FBXO33: variants seen among roughly 807,000 people sequenced by gnomAD.
FBXO33 encodes F-box protein 33.
FBXO33 carries 22 observed loss-of-function variants against 46.3 expected under a neutral mutation model. The observed-to-expected ratio is 0.48, with a 90% CI of 0.34 to 0.68. The LOEUF (loss-of-function observed/expected upper bound fraction) is 0.68. FBXO33 is among the 30% of genes least tolerant of loss of function. The pLI, the probability that FBXO33 is intolerant of heterozygous loss-of-function variation, is 0.01. For synonymous variants in FBXO33, 337 were observed against 291.3 expected (o/e 1.16, Z -1.60); for missense variants, 692 against 708.8 (o/e 0.98, Z 0.27).
At chr14:39,425,911 C>A (rs1437212321) in intron 1 of FBXO33, among the ~76,000 whole-genome samples, 1 of 152,100 alleles carries the variant, frequency 6.6e-6, no homozygotes, top group African/African-American at 2.4e-5. Context: ...AACATTAGAA[C>A]CCAGAAATAA....
At chr14:39,413,477 T>C (rs1268354579) in intron 1 of FBXO33, among the ~76,000 whole-genome samples, 1 of 152,226 alleles carries the variant, frequency 6.6e-6, no homozygotes. Flanking sequence ...CTGTTAATGT[T>C]GATATTTTGA....
chr14:39,403,155 A>T (rs1169707140), intron 1 of FBXO33, among the ~76,000 whole-genome samples: 1 of 152,200 alleles, frequency 6.6e-6, no homozygotes, highest in Non-Finnish European at 1.5e-5. Context: ...CAAACCAGTT[A>T]ATTTAGTCAA....
chr14:39,409,728 A>G (rs1166298119), intron 1 of FBXO33, among the ~76,000 whole-genome samples: 1 of 152,108 alleles, frequency 6.6e-6, no homozygotes, highest in Non-Finnish European at 1.5e-5. Context: ...TTTTCCATTT[A>G]TTTGTATCTG....
At chr14:39,412,593 G>C (rs1567075423) in intron 1 of FBXO33, among the ~76,000 whole-genome samples, 1 of 150,572 alleles carries the variant, frequency 6.6e-6, no homozygotes, top group Non-Finnish European at 1.5e-5. Context: ...TTTGTTCGTA[G>C]TTTTTTTCAT....
chr14:39,418,774 C>CAAA (rs1237168650), intron 1 of FBXO33, among the ~76,000 whole-genome samples: 4 of 60,100 alleles, frequency 6.7e-5, no homozygotes, highest in African/African-American at 1.3e-4. Context: ...GACTCCGTCT[C>CAAA]AAAAAAAAAA....
At chr14:39,411,525 C>A (rs529860566) in intron 1 of FBXO33, among the ~76,000 whole-genome samples, 5 of 150,958 alleles carry the variant, frequency 3.3e-5, no homozygotes, top group Non-Finnish European at 7.4e-5. Context: ...GACTTCCCCC[C>A]CCTTTTTTTT....
chr14:39,398,085 A>G lies in FBXO33; in HGVS notation c.*1431T>C, dbSNP rs867453934. ...TAAACTTTTTTCCATAAATAGAATC[A>G]TATCTGGACATCTGTTGCATAAATT... On this transcript the variant is annotated 3_prime_UTR_variant, in exon 4 of 4. Coordinates refer to ENST00000298097, the MANE Select transcript of FBXO33 (RefSeq NM_203301.4). 2 of 152,804 alleles carry G rather than the reference A, an allele frequency of 1.3e-5. No homozygotes were observed. The highest frequency in any genetic ancestry group is 4.8e-5 in the African/African-American group (2 of 41,600). 9.5% of individuals were successfully genotyped at this position (152,804 alleles called of 1,614,324 possible). A position where few individuals can be genotyped will look rare whatever the true frequency, so the allele number is the denominator to read the frequency against.
At chr14:39,419,944 T>C (rs1312786881) in intron 1 of FBXO33, among the ~76,000 whole-genome samples, 1 of 152,224 alleles carries the variant, frequency 6.6e-6, no homozygotes, top group Non-Finnish European at 1.5e-5. Flanking sequence ...ATAATCTTTC[T>C]AAAGCATGCA....
Position 39,401,780 on chromosome 14 carries a change from T to C in FBXO33, c.792A>G (p.Val264=). The C allele has an allele frequency of 6.2e-7, 1 of 1,614,224 alleles. No homozygotes were observed. The highest frequency in any genetic ancestry group is 1.1e-5 in the South Asian group (1 of 91,088). Residue 264 remains valine (V), a synonymous_variant, in exon 3 of 4, where the codon GTA becomes GTG. Coordinates refer to ENST00000298097, the MANE Select transcript of FBXO33 (RefSeq NM_203301.4). ...WLSCGFMLEI[V]TPTSLSSLSN... is the part of the protein sequence containing the mutation. ...AGAGAGATGACAGTGATGTTGGGGTTACTATTTCCAGCATAAACCCACAGG... is the reference window on the plus strand; with the variant it reads ...AGAGAGATGACAGTGATGTTGGGGTCACTATTTCCAGCATAAACCCACAGG...
At chr14:39,408,211 T>C (rs1283924594) in intron 1 of FBXO33, among the ~76,000 whole-genome samples, 6 of 151,902 alleles carry the variant, frequency 3.9e-5, no homozygotes, top group African/African-American at 1.2e-4. Context: ...TCCCAAAGTG[T>C]TGGAATTACA....
chr14:39,399,388 A>G lies in FBXO33; in HGVS notation c.*128T>C. 3 of 807,126 alleles carry G rather than the reference A, an allele frequency of 3.7e-6. No individual in the cohort carries two copies. The highest frequency in any genetic ancestry group is 5.4e-5 in the East Asian group (2 of 36,920). 50.0% of individuals were successfully genotyped at this position (807,126 alleles called of 1,614,324 possible). On this transcript the variant is annotated 3_prime_UTR_variant, in exon 4 of 4. Transcript: ENST00000298097. ...TCTTTGATCAAGAAGTAGAATATAC[A>G]TATATAATTCTATAAAGCTAATACT... is the stretch of plus-strand genomic sequence containing the variant.
Position 39,431,814 on chromosome 14 carries a change from C to T in FBXO33, c.349G>A (p.Val117Ile). 2 of 1,610,726 alleles carry T rather than the reference C, an allele frequency of 1.2e-6. No individual in the cohort carries two copies. Among genetic ancestry groups the T allele is most frequent in the Non-Finnish European group, 1.7e-6 (2 of 1,179,770 alleles). The stretch of plus-strand genomic sequence containing the variant: ...AGCCGAGGCTGCTCCGCGGGCGAGA[C>T]GCGGAGGCAGATGCGGAGCTGGGGC... ...LWPQLRICLR[V>I]SPAEQPRLEF... is the part of the protein sequence containing the mutation. The change falls in exon 1 of 4, where the codon GTC becomes ATC. Residue 117 changes from valine to isoleucine, a missense_variant. This residue lies in a region of FBXO33 where 412 missense variants were observed against 370.8 expected (regional missense o/e 1.11). Transcript: ENST00000298097.
At chr14:39,424,829 C>T (rs750977144) in intron 1 of FBXO33, among the ~76,000 whole-genome samples, 2 of 151,996 alleles carry the variant, frequency 1.3e-5, no homozygotes, top group Non-Finnish European at 2.9e-5. Flanking sequence ...CCAAGGCAGG[C>T]GGATCATGAG....
At chr14:39,431,000 C>A (rs1351054422) in intron 1 of FBXO33, among the ~76,000 whole-genome samples, 1 of 152,164 alleles carries the variant, frequency 6.6e-6, no homozygotes, top group Non-Finnish European at 1.5e-5. Flanking sequence ...CCCTGAAGAT[C>A]AACTTCTTCC....
chr14:39,417,431 T>C (rs947521948), intron 1 of FBXO33, among the ~76,000 whole-genome samples: 2 of 152,236 alleles, frequency 1.3e-5, no homozygotes, highest in Non-Finnish European at 2.9e-5. Flanking sequence ...GTGAATTTGC[T>C]CTCCTTACCT....
At chr14:39,429,081 C>A (rs998757488) in intron 1 of FBXO33, among the ~76,000 whole-genome samples, 2 of 152,116 alleles carry the variant, frequency 1.3e-5, no homozygotes, top group African/African-American at 4.8e-5. Context: ...TATATATAAC[C>A]CAGGAACCAA....
intron 1 of FBXO33, among the ~76,000 whole-genome samples, chr14:39,407,566 C>T (rs2075404676): frequency 6.6e-6 from 1 of 152,234 alleles, no homozygotes; most frequent in African/African-American, 2.4e-5. Flanking sequence ...CCTTCTGTGA[C>T]TGGCTTATTT....
chr14:39,409,957 CTATA>C, intron 1 of FBXO33, among the ~76,000 whole-genome samples: 1 of 151,882 alleles, frequency 6.6e-6, no homozygotes, highest in Admixed American at 6.6e-5. Context: ...TTAGTGTTTT[CTATA>C]TATAATGCCA....
In FBXO33 at chr14:39,401,597, G is replaced by C. The variant is rs2075368841; in HGVS notation, c.975C>G (p.Val325=). 6.2e-7 allele frequency: 1 copy of C among 1,614,080 alleles called. No homozygotes were observed. The highest frequency in any genetic ancestry group is 8.5e-7 in the Non-Finnish European group (1 of 1,179,964). ...FCDFTAEMAR[V]LTDSNHVPLQ... ...AAGGCACATGGTTGCTATCAGTTAA[G>C]ACTCTTGCCATCTCAGCTGTAAAGT... is the stretch of plus-strand genomic sequence containing the variant. The change falls in exon 3 of 4, where the codon GTC becomes GTG. Residue 325 remains valine (V), a synonymous_variant. Coordinates refer to ENST00000298097, the MANE Select transcript of FBXO33 (RefSeq NM_203301.4).
Sources: gnomAD v4.1 joint callset for allele counts (sites outside exome capture counted in the v4.1 genomes callset) on GRCh38, gnomAD v4.1.1 for gene constraint, gnomAD v4.1.1 regional missense constraint, MANE v1.5 for transcripts, NCBI Gene and HGNC (gene_info 2026-07-23, HGNC 2026-07-21) for gene names.